Variants in POLR3B observed in about 807,000 individuals in gnomAD.
POLR3B encodes RNA polymerase III subunit B.
POLR3B carries 96 observed loss-of-function variants against 147.4 expected under a neutral mutation model. The observed-to-expected ratio is 0.65, with a 90% confidence interval of 0.55 to 0.77. The LOEUF is 0.77. Ranked by LOEUF, POLR3B falls within the 30% of genes least tolerant of loss-of-function variation. The pLI is 0.00. For synonymous variants in POLR3B, 461 were observed against 485.9 expected (o/e 0.95, Z 0.67); for missense variants, 1,036 against 1,413.5 (o/e 0.73, Z 4.28).
At chr12:106,369,804 C>T (rs1238183054) in intron 6 of POLR3B, 121 bp downstream of exon 6, 4 of 711,646 alleles carry the variant, frequency 5.6e-6, no homozygotes, top group Non-Finnish European at 1.0e-5. Context: ...AATGAGTCAG[C>T]ATGTGTAAAG....
chr12:106,466,864 A>G (rs2038012931), intron 23 of POLR3B, among the ~76,000 whole-genome samples: 3 of 152,190 alleles, frequency 2.0e-5, no homozygotes, highest in South Asian at 4.1e-4. Context: ...GCCTTGTAGT[A>G]TAGTTTGAAG....
At chr12:106,466,577 G>T (rs1003367789) in intron 23 of POLR3B, among the ~76,000 whole-genome samples, 1 of 152,104 alleles carries the variant, frequency 6.6e-6, no homozygotes. Flanking sequence ...GGATTTTTAT[G>T]ATCCTAGGTC....
At chr12:106,380,874 G>A (rs534962125) in intron 9 of POLR3B, among the ~76,000 whole-genome samples, 14 of 152,182 alleles carry the variant, frequency 9.2e-5, no homozygotes, top group Admixed American at 7.2e-4. Context: ...AGATATTGCT[G>A]GTTTTGTTCC....
intron 19 of POLR3B, among the ~76,000 whole-genome samples, chr12:106,448,557 C>G (rs1487054428): frequency 1.3e-5 from 2 of 149,762 alleles, no homozygotes; most frequent in African/African-American, 2.5e-5. Context: ...CTGCCTTAGC[C>G]TCCTGAGTAG....
rs2037910943 is a variant in POLR3B at position 106,459,709 on chromosome 12, G to C, written c.2570+341G>C. Among the ~76,000 whole-genome samples the C allele has an allele frequency of 5.9e-5, 9 of 152,184 alleles. No homozygotes were observed. In the South Asian group the frequency reaches 1.9e-3, roughly 32 times the overall value. On this transcript the variant is annotated intron_variant, in intron 22 of 27. Coordinates refer to ENST00000228347, the MANE Select transcript of POLR3B (RefSeq NM_018082.6). ...GAGTTGGGAATTGATACTGCAGAGA[G>C]TGACATGATAAGAGTCATATTTTTA...
At chr12:106,495,139 T>A (rs1031711607) in intron 23 of POLR3B, among the ~76,000 whole-genome samples, 1 of 152,216 alleles carries the variant, frequency 6.6e-6, no homozygotes, top group Non-Finnish European at 1.5e-5. Context: ...CAATTCTAAA[T>A]TATGGAGATT....
At chr12:106,463,725 A>G (rs2037969768) in intron 23 of POLR3B, 105 bp downstream of exon 23, 1 of 884,722 alleles carries the variant, frequency 1.1e-6, no homozygotes, top group Admixed American at 2.1e-5. Flanking sequence ...TTGGAAAAGT[A>G]TTACATTGTT....
intron 12 of POLR3B, among the ~76,000 whole-genome samples, chr12:106,412,108 G>A (rs7137445): frequency 0.39 from 59,818 of 151,868 alleles, 13,996 homozygotes; most frequent in African/African-American, 0.66. Context: ...ATGTTTTTCT[G>A]TTTCTTCTTA....
chr12:106,462,339 C>T (rs1398237511), intron 22 of POLR3B, among the ~76,000 whole-genome samples: 4 of 152,204 alleles, frequency 2.6e-5, no homozygotes, highest in African/African-American at 9.6e-5. Context: ...CCTCCACCTC[C>T]TGGATTCAAG....
intron 23 of POLR3B, among the ~76,000 whole-genome samples, chr12:106,480,895 G>T (rs1169741641): frequency 6.6e-6 from 1 of 151,996 alleles, no homozygotes; most frequent in South Asian, 2.1e-4. Context: ...CTGGGAGGGG[G>T]GATGGGAAGC....
intron 11 of POLR3B, 127 bp downstream of exon 11, chr12:106,406,103 C>T (rs1047253465): frequency 2.4e-5 from 22 of 931,044 alleles, no homozygotes; most frequent in Non-Finnish European, 3.5e-5. Flanking sequence ...GAGGACTGTA[C>T]TGCCCCATCA....
chr12:106,477,488 T>G (rs931194038), intron 23 of POLR3B, among the ~76,000 whole-genome samples: 2 of 147,898 alleles, frequency 1.4e-5, no homozygotes, highest in African/African-American at 5.1e-5. Flanking sequence ...CCGTTTGATC[T>G]CAGACTGCTG....
intron 2 of POLR3B, among the ~76,000 whole-genome samples, chr12:106,365,853 TG>T (rs2036528373): frequency 7.3e-6 from 1 of 136,916 alleles, no homozygotes; most frequent in South Asian, 2.5e-4. Flanking sequence ...AGCGAGACTC[TG>T]TCTCAAAAAA....
intron 1 of POLR3B, 104 bp downstream of exon 1, chr12:106,358,055 G>T (rs2036412998): frequency 1.3e-6 from 2 of 1,554,822 alleles, no homozygotes. Context: ...CGGTTTGTGC[G>T]CATGCGCCGG....
chr12:106,420,070 C>T (rs538570286), intron 12 of POLR3B, among the ~76,000 whole-genome samples: 7 of 151,874 alleles, frequency 4.6e-5, no homozygotes, highest in African/African-American at 1.7e-4. Context: ...TTGTCACATT[C>T]GGTGGCTCAG....
intron 23 of POLR3B, among the ~76,000 whole-genome samples, chr12:106,482,590 A>G (rs2038283042): frequency 6.6e-6 from 1 of 152,108 alleles, no homozygotes; most frequent in East Asian, 1.9e-4. Context: ...GCGAGGGGGG[A>G]ATCCACCTCA....
At chr12:106,459,666 T>C (rs2037910287) in intron 22 of POLR3B, among the ~76,000 whole-genome samples, 1 of 152,148 alleles carries the variant, frequency 6.6e-6, no homozygotes, top group African/African-American at 2.4e-5. Flanking sequence ...TGTAGCTTGC[T>C]GGGGCTAGGT....
In POLR3B at chr12:106,509,437, C is replaced by G. The variant is rs1386638416; in HGVS notation, c.3290C>G (p.Ser1097Ter). The G allele has an allele frequency of 6.2e-7, 1 of 1,613,862 alleles. No individual in the cohort carries two copies. The highest frequency in any genetic ancestry group is 8.5e-7 in the Non-Finnish European group (1 of 1,179,828). ...CGTTTCAGGTGCCATTACTGCAAGT[C>G]ATCCTGCCACGTGTCTTCCCTCCGT... ...GYSGWCHYCK[S>*]SCHVSSLRIP... Residue 1097 changes from serine to a stop codon, truncating the protein, a stop_gained, in exon 28 of 28, where the codon TCA becomes TGA. Coordinates refer to ENST00000228347, the MANE Select transcript of POLR3B (RefSeq NM_018082.6). LOFTEE classifies it high-confidence loss of function.
chr12:106,429,342 G>A (rs972690144), intron 13 of POLR3B, among the ~76,000 whole-genome samples: 23 of 152,046 alleles, frequency 1.5e-4, no homozygotes, highest in Non-Finnish European at 3.1e-4. Flanking sequence ...GTTTTGCCAC[G>A]TTGGCAGGCT....
Sources: gnomAD v4.1 joint callset for allele counts (sites outside exome capture counted in the v4.1 genomes callset) on GRCh38, gnomAD v4.1.1 for gene constraint, MANE v1.5 for transcripts, NCBI Gene and HGNC (gene_info 2026-07-23, HGNC 2026-07-21) for gene names.